KIAA1549: variants seen among roughly 807,000 people sequenced by gnomAD.
KIAA1549 encodes the protein UPF0606 protein KIAA1549.
A neutral mutation model predicts 156.4 loss-of-function variants in KIAA1549; 70 were observed. The ratio of observed to expected loss-of-function variants is 0.45; its 90% CI spans 0.37 to 0.55. KIAA1549 has a LOEUF of 0.55. Ranked by LOEUF, KIAA1549 falls within the 20% of genes least tolerant of loss-of-function variation. KIAA1549 has a pLI of 0.00. For missense variants in KIAA1549, 2,428 were observed against 2,540.9 expected (o/e 0.96, Z 0.96); for synonymous variants, 1,103 against 1,066.4 (o/e 1.03, Z -0.67).
chr7:138,964,713 A>T (rs1249008097), intron 1 of KIAA1549, among the ~76,000 whole-genome samples: 2 of 152,206 alleles, frequency 1.3e-5, no homozygotes, highest in African/African-American at 4.8e-5. Flanking sequence ...CAAAGACAAT[A>T]AAGACTGGTC....
Position 138,834,827 on chromosome 7 carries a change from G to C in KIAA1549, c.*3079C>G, listed in dbSNP as rs866541394. 8.6e-6 allele frequency: 2 copies of C among 232,236 alleles called. No individual in the cohort carries two copies. Among genetic ancestry groups the C allele is most frequent in the African/African-American group, 4.4e-5 (2 of 45,234 alleles). 14.4% of individuals were successfully genotyped at this position (232,236 alleles called of 1,614,324 possible). A position where few individuals can be genotyped will look rare whatever the true frequency, so the allele number is the denominator to read the frequency against. On this transcript the variant is annotated 3_prime_UTR_variant, in exon 20 of 20. Transcript: ENST00000422774. ...AGTGCTTTATGCTCCCTCCTCACAG[G>C]ACATCTGCACACATGATCACATCTG...
chr7:138,958,877 C>A (rs2718143), intron 1 of KIAA1549, among the ~76,000 whole-genome samples: 152,279 of 152,284 alleles, frequency 1, 76,137 homozygotes, highest in Middle Eastern at 1. Context: ...CACTATAGCC[C>A]AAAGGTTTTT....
intron 1 of KIAA1549, among the ~76,000 whole-genome samples, chr7:138,929,756 T>C (rs919429785): frequency 4.6e-5 from 7 of 152,202 alleles, no homozygotes; most frequent in South Asian, 2.1e-4. Context: ...ATGGTACAAT[T>C]ATAGCTCACA....
chr7:138,916,255 T>C (rs1374220874), intron 2 of KIAA1549, among the ~76,000 whole-genome samples: 2 of 152,210 alleles, frequency 1.3e-5, no homozygotes, highest in African/African-American at 2.4e-5. Context: ...TGCCCTTACA[T>C]AGTTGCCCAA....
In KIAA1549 at chr7:138,845,668, A is replaced by T. The variant is rs534706496; in HGVS notation, c.5295-1194T>A. Among the ~76,000 whole-genome samples, 144 of 152,174 alleles carry T rather than the reference A, an allele frequency of 9.5e-4. 4 individuals are homozygous for T. In the South Asian group the frequency reaches 0.03, roughly 31 times the overall value. ...AACCTTCTCGATATTGTTACCTCTC[A>T]TTTTGCAGTATCGAAAAATCCCATT... On this transcript the variant is annotated intron_variant, in intron 17 of 19. Transcript: ENST00000422774.
At chr7:138,956,888 C>T (rs951377227) in intron 1 of KIAA1549, among the ~76,000 whole-genome samples, 6 of 152,092 alleles carry the variant, frequency 3.9e-5, no homozygotes, top group African/African-American at 7.3e-5. Flanking sequence ...TATTGAGGGC[C>T]TACTCTCTGC....
chr7:138,936,104 G>C (rs1490136666), intron 1 of KIAA1549, among the ~76,000 whole-genome samples: 1 of 152,234 alleles, frequency 6.6e-6, no homozygotes, highest in African/African-American at 2.4e-5. Flanking sequence ...ATGCATGGTT[G>C]ATGTGGCAAG....
intron 11 of KIAA1549, among the ~76,000 whole-genome samples, chr7:138,880,983 G>A (rs1473285783): frequency 1.3e-5 from 2 of 152,186 alleles, no homozygotes; most frequent in East Asian, 3.8e-4. Context: ...CCCAGGCATG[G>A]ACACAGCAGT....
chr7:138,857,886 T>C (rs955469235), intron 16 of KIAA1549, among the ~76,000 whole-genome samples: 1 of 152,244 alleles, frequency 6.6e-6, no homozygotes, highest in Non-Finnish European at 1.5e-5. Context: ...TGTATCTTTG[T>C]ATTTAATGAA....
intron 17 of KIAA1549, among the ~76,000 whole-genome samples, chr7:138,850,142 A>G (rs533126168): frequency 6.6e-6 from 1 of 152,212 alleles, no homozygotes; most frequent in Admixed American, 6.5e-5. Flanking sequence ...AATTATATTT[A>G]TTTAAATATA....
At position 138,893,547 on chromosome 7, in the gene KIAA1549, CT is replaced by C. The variant is rs765819988; in HGVS notation, c.4032+794del. Reference sequence around the variant, plus strand: ...GACCAACACTCAAAACAAAACAAGACTTGGGATATGTTGAAGGATTGGCAAA... The same window carrying C: ...GACCAACACTCAAAACAAAACAAGACTGGGATATGTTGAAGGATTGGCAAA... On this transcript the variant is annotated intron_variant, in intron 10 of 19. Transcript: ENST00000422774. Among the ~76,000 whole-genome samples, 47 of 152,298 alleles carry C rather than the reference CT, an allele frequency of 3.1e-4. No individual in the cohort carries two copies. The East Asian group carries it at 3.7e-3, about 12-fold the overall frequency.
Position 138,907,080 on chromosome 7 carries a change from G to A in KIAA1549, c.3299C>T (p.Ser1100Phe). ...TVQILNITIS[S>F]SRVTPRRGPV... ...GCCCCGCCGAGGAGTCACCCTTGAG[G>A]AACTGATGGTGATATTCAAGATCTG... Residue 1100 changes from serine to phenylalanine, a missense_variant, in exon 6 of 20, where the codon TCC becomes TTC. Transcript: ENST00000422774. The A allele has an allele frequency of 1.9e-6, 3 of 1,598,936 alleles. No homozygotes were observed. The highest frequency in any genetic ancestry group is 1.7e-4 in the Middle Eastern group (1 of 5,988).
intron 15 of KIAA1549, among the ~76,000 whole-genome samples, chr7:138,863,606 GTAA>G (rs1296062250): frequency 6.6e-6 from 1 of 152,070 alleles, no homozygotes; most frequent in African/African-American, 2.4e-5. Context: ...AAATTTCATA[GTAA>G]CACTCAGATT....
intron 1 of KIAA1549, among the ~76,000 whole-genome samples, chr7:138,926,638 C>T (rs1328777056): frequency 1.3e-5 from 2 of 151,938 alleles, no homozygotes; most frequent in African/African-American, 4.8e-5. Flanking sequence ...TTTTTAGTGC[C>T]GTTACAAAAA....
chr7:138,947,078 T>G (rs912431059), intron 1 of KIAA1549, among the ~76,000 whole-genome samples: 9 of 152,078 alleles, frequency 5.9e-5, no homozygotes, highest in African/African-American at 2.2e-4. Flanking sequence ...GGATAATAAG[T>G]AAAATCTAGC....
chr7:138,958,279 C>T (rs1466181176), intron 1 of KIAA1549, among the ~76,000 whole-genome samples: 1 of 152,170 alleles, frequency 6.6e-6, no homozygotes, highest in African/African-American at 2.4e-5. Context: ...ACCATGGCAC[C>T]GGATCTAGGT....
At chr7:138,878,124 T>C (rs1373366475) in intron 12 of KIAA1549, among the ~76,000 whole-genome samples, 1 of 152,212 alleles carries the variant, frequency 6.6e-6, no homozygotes, top group Non-Finnish European at 1.5e-5. Context: ...AAAAAACTCT[T>C]CCCTTTTTCT....
intron 1 of KIAA1549, among the ~76,000 whole-genome samples, chr7:138,925,213 G>A (rs1008811189): frequency 1.3e-4 from 20 of 152,098 alleles, no homozygotes; most frequent in African/African-American, 3.9e-4. Flanking sequence ...ACACTTGTCT[G>A]TCTCAGACTC....
chr7:138,835,330 C>T lies in KIAA1549; in HGVS notation c.*2576G>A, dbSNP rs1809676614. On this transcript the variant is annotated 3_prime_UTR_variant, in exon 20 of 20. Transcript: ENST00000422774. ...GGCTGGTGATCCGGGGGCCTGCTCA[C>T]ACCACACCATAACCACCGGCTGTTT... 9.3e-6 allele frequency: 2 copies of T among 215,334 alleles called. No homozygotes were observed. Among genetic ancestry groups the T allele is most frequent in the East Asian group, 1.4e-4 (2 of 14,536 alleles). 13.3% of individuals were successfully genotyped at this position (215,334 alleles called of 1,614,324 possible).
Sources: allele counts gnomAD v4.1 joint callset (sites outside exome capture counted in the v4.1 genomes callset), GRCh38; gene constraint gnomAD v4.1.1; transcripts MANE v1.5; gene names NCBI Gene and HGNC (gene_info 2026-07-23, HGNC 2026-07-21).